The following CELSR1 variants were observed in gnomAD, a reference collection of about 807,000 sequenced individuals.
CELSR1 encodes cadherin EGF LAG seven-pass G-type receptor 1, also known as adhesion G protein-coupled receptor C1.
A neutral mutation model predicts 249.1 loss-of-function variants in CELSR1; 110 were observed. That is an observed-to-expected ratio of 0.44 (90% CI 0.38 to 0.52). The LOEUF is 0.52. Ranked by LOEUF, CELSR1 falls within the 20% of genes least tolerant of loss-of-function variation. The pLI is 0.00. For missense variants in CELSR1, 4,109 were observed against 4,296.4 expected (o/e 0.96, Z 1.22); for synonymous variants, 2,113 against 1,900.0 (o/e 1.11, Z -2.92).
At chr22:46,439,107 G>T in intron 3 of CELSR1, 82 bp downstream of exon 3, 1 of 1,325,230 alleles carries the variant, frequency 7.5e-7, no homozygotes, top group Non-Finnish European at 1.1e-6. Flanking sequence ...TCAACGTCAC[G>T]ATCTAGAGGG....
intron 1 of CELSR1, among the ~76,000 whole-genome samples, chr22:46,494,070 G>A (rs995629965): frequency 1.3e-5 from 2 of 152,128 alleles, no homozygotes; most frequent in Admixed American, 6.6e-5. Context: ...ATCTACCCTC[G>A]CGGAGGACAA....
chr22:46,492,754 C>T (rs529874076), intron 1 of CELSR1, among the ~76,000 whole-genome samples: 125 of 151,378 alleles, frequency 8.3e-4, no homozygotes, highest in South Asian at 6.3e-3. Context: ...CCACCGTGCT[C>T]GGCCGAAACC....
chr22:46,367,023 G>T lies in CELSR1; in HGVS notation c.8175C>A (p.Asp2725Glu), dbSNP rs2078791959. ...GCAGGGTGGCCCTGGTGGTGGCGGA[G>T]TCCTCCAGGTGCAGCTTCCTCCCGC... ...VLGGRKLHLE[D>E]SATTRATLLT... The change falls in exon 29 of 35, where the codon GAC becomes GAA. Residue 2725 changes from aspartate (D) to glutamate (E), a missense_variant. Coordinates refer to ENST00000674500, the MANE Select transcript of CELSR1 (RefSeq NM_001378328.1). The T allele has an allele frequency of 1.9e-6, 3 of 1,610,472 alleles. No homozygotes were observed. The African/African-American group carries it at 4.0e-5, about 22-fold the overall frequency.
chr22:46,370,982 C>T (rs2147180815), intron 25 of CELSR1, among the ~76,000 whole-genome samples: 1 of 152,368 alleles, frequency 6.6e-6, no homozygotes, highest in East Asian at 1.9e-4. Context: ...CCTGCTCCGC[C>T]TGGACATCGA....
chr22:46,369,719 A>G lies in CELSR1; in HGVS notation c.7845T>C (p.Phe2615=). ...TTATAACAGCTCCGATGGGCCCCGC[A>G]AAGCTCCAAATCAGGGTGTCTTGAA... is the stretch of plus-strand genomic sequence containing the variant. ...LSLQDTLIWS[F]AGPIGAVIII... Residue 2615 remains phenylalanine (F), a synonymous_variant, in exon 26 of 35, where the codon TTT becomes TTC. Transcript: ENST00000674500. The G allele has an allele frequency of 6.2e-7, 1 of 1,613,532 alleles. No individual in the cohort carries two copies. Among genetic ancestry groups the G allele is most frequent in the South Asian group, 1.1e-5 (1 of 91,080 alleles).
intron 1 of CELSR1, among the ~76,000 whole-genome samples, chr22:46,493,200 T>G (rs535370245): frequency 6.6e-6 from 1 of 150,974 alleles, no homozygotes; most frequent in East Asian, 2.0e-4. Flanking sequence ...CAATGAGCCA[T>G]GATGGCACCA....
At chr22:46,416,243 T>C (rs181989063) in intron 5 of CELSR1, among the ~76,000 whole-genome samples, 1 of 152,370 alleles carries the variant, frequency 6.6e-6, no homozygotes, top group African/African-American at 2.4e-5. Context: ...GTCTGAGTTT[T>C]TTCTCAATTC....
Position 46,391,571 on chromosome 22 carries a change from A to T in CELSR1, c.6148+62T>A. The T allele has an allele frequency of 6.7e-7, 1 of 1,486,394 alleles. No individual in the cohort carries two copies. Among genetic ancestry groups the T allele is most frequent in the Non-Finnish European group, 8.9e-7 (1 of 1,124,984 alleles). The allele number at this position is 1,486,394 out of a possible 1,614,324, so 92.1% of individuals were successfully genotyped here. A position where few individuals can be genotyped will look rare whatever the true frequency, so the allele number is the denominator to read the frequency against. Reference sequence around the variant, plus strand: ...ACCCAGCGTGCATGCACACACGTGCACGCCAGTGCAGCAGCCTGTCCCCGC... The same window carrying T: ...ACCCAGCGTGCATGCACACACGTGCTCGCCAGTGCAGCAGCCTGTCCCCGC... On this transcript the variant is annotated intron_variant, in intron 15 of 34. Coordinates refer to ENST00000674500, the MANE Select transcript of CELSR1 (RefSeq NM_001378328.1). This position sits in a 1 kb window ranked among gnomAD's most constrained non-coding sequence, Gnocchi z 4.3.
chr22:46,390,899 A>G lies in CELSR1; in HGVS notation c.6250+287T>C, dbSNP rs1602066309. ...TCACAGAGGTAACCCGATGCTATGA[A>G]CAGTGAAGCCACTTGTCCCGGTGCC... On this transcript the variant is annotated intron_variant, in intron 16 of 34. Transcript: ENST00000674500. This position sits in a 1 kb window ranked among gnomAD's most constrained non-coding sequence, Gnocchi z 6.3. 1.3e-5 allele frequency among the ~76,000 whole-genome samples: 2 copies of G among 152,206 alleles called. No individual in the cohort carries two copies. Among genetic ancestry groups the G allele is most frequent in the African/African-American group, 4.8e-5 (2 of 41,458 alleles).
intron 25 of CELSR1, among the ~76,000 whole-genome samples, chr22:46,371,085 A>G (rs1451245892): frequency 6.6e-6 from 1 of 152,160 alleles, no homozygotes. Context: ...TAGGCAAGGT[A>G]TCGCCTCCCT....
In CELSR1 at chr22:46,535,565, C is replaced by T. The variant is rs760949304; in HGVS notation, c.1606G>A (p.Ala536Thr). The T allele has an allele frequency of 1.2e-6, 2 of 1,613,404 alleles. No individual in the cohort carries two copies. The highest frequency in any genetic ancestry group is 1.7e-6 in the Non-Finnish European group (2 of 1,180,030). The change falls in exon 1 of 35, where the codon GCC (alanine) becomes ACC (threonine). Residue 536 changes from alanine to threonine, a missense_variant. Around this residue, in one of 7 missense-constraint regions of CELSR1, gnomAD observed 135 missense variants for 190.0 expected, o/e 0.71. Transcript: ENST00000674500. ...AGCGGGGGCCGGCCCCCATCCTGGG[C>T]CTTAATGCTCAGCGAGTATTTCTGG... The part of the protein sequence containing the change: ...DVQKYSLSIK[A>T]QDGGRPPLIN...
At position 46,390,470 on chromosome 22, in the gene CELSR1, G is replaced by T; in HGVS notation, c.6267C>A (p.His2089Gln). The T allele has an allele frequency of 6.2e-7, 1 of 1,613,788 alleles. No individual in the cohort carries two copies. The highest frequency in any genetic ancestry group is 8.5e-7 in the Non-Finnish European group (1 of 1,179,866). ...GCAGCCAGCCCTTCTCCCCGCTGCA[G>T]TGTCGGACCGCATTTCCTGGGGAAG... ...PKGSVGNAVR[H>Q]CSGEKGWLPP... is the part of the protein sequence containing the mutation. Residue 2089 changes from histidine (H) to glutamine (Q), a missense_variant, in exon 17 of 35, where the codon CAC becomes CAA. Physicochemically the swap from His to Gln is conservative, Grantham distance 24 (BLOSUM62 0). This residue lies in a region of CELSR1 where 1,805 missense variants were observed against 1,831.6 expected (regional missense o/e 0.99). Coordinates refer to ENST00000674500, the MANE Select transcript of CELSR1 (RefSeq NM_001378328.1). This position sits in a 1 kb window ranked among gnomAD's most constrained non-coding sequence, Gnocchi z 6.3.
At position 46,473,404 on chromosome 22, in the gene CELSR1, T is replaced by C. The variant is rs1442730538; in HGVS notation, c.3545-9059A>G. Among the ~76,000 whole-genome samples the C allele has an allele frequency of 6.6e-6, 1 of 152,064 alleles. No individual in the cohort carries two copies. Among genetic ancestry groups the C allele is most frequent in the Non-Finnish European group, 1.5e-5 (1 of 68,000 alleles). On this transcript the variant is annotated intron_variant, in intron 1 of 34. Transcript: ENST00000674500. This position sits in a 1 kb window ranked among gnomAD's most constrained non-coding sequence, Gnocchi z 6.6. Reference sequence around the variant, plus strand: ...ACATGGAGGAGGAAAGGCCAGTTTGTGACCCACCTGGGGCCTTGGAGATGA... The same window carrying C: ...ACATGGAGGAGGAAAGGCCAGTTTGCGACCCACCTGGGGCCTTGGAGATGA...
chr22:46,415,879 G>A (rs1035247715), intron 5 of CELSR1, among the ~76,000 whole-genome samples: 1 of 152,246 alleles, frequency 6.6e-6, no homozygotes, highest in Non-Finnish European at 1.5e-5. Flanking sequence ...AACAGCAGCA[G>A]ATGTGTGTGA....
intron 30 of CELSR1, 49 bp from the exon 31 acceptor site, chr22:46,365,738 G>A: frequency 6.9e-7 from 1 of 1,457,030 alleles, no homozygotes; most frequent in Non-Finnish European, 9.4e-7. Flanking sequence ...CAGGGAACAG[G>A]AGGTGCTGGA....
rs149603890 is a variant in CELSR1 at position 46,484,073 on chromosome 22, G to A, written c.3545-19728C>T. Among the ~76,000 whole-genome samples the A allele has an allele frequency of 1.2e-3, 187 of 152,284 alleles. 1 individual carries two copies. Among genetic ancestry groups the A allele is most frequent in the South Asian group, 8.3e-3 (40 of 4,820 alleles). ...TTCCCAGGCTCCCACGGGCTCCCAC[G>A]CTCTGCCCTGGCTCTCAGACTCACC... On this transcript the variant is annotated intron_variant, in intron 1 of 34. Coordinates refer to ENST00000674500, the MANE Select transcript of CELSR1 (RefSeq NM_001378328.1). This position sits in a 1 kb window ranked among gnomAD's most constrained non-coding sequence, Gnocchi z 4.5.
intron 17 of CELSR1, 35 bp from the exon 18 acceptor site, chr22:46,389,534 C>G (rs375804501): frequency 6.2e-7 from 1 of 1,604,188 alleles, no homozygotes; most frequent in Non-Finnish European, 8.5e-7. Context: ...GTGTGCAAAC[C>G]CACTTCGGCC....
At position 46,406,608 on chromosome 22, in the gene CELSR1, A is replaced by G. The variant is rs991774295; in HGVS notation, c.5226+2388T>C. On this transcript the variant is annotated intron_variant, in intron 9 of 34. Transcript: ENST00000674500. The surrounding 1 kb of genome is among the most constrained non-coding windows in gnomAD (Gnocchi z 5.4). Reference sequence around the variant, plus strand: ...CATGTGCTGGGCAGTCCCTCTGTCCACCCGCCAACCCTCATGCCAATCTTG... The same window carrying G: ...CATGTGCTGGGCAGTCCCTCTGTCCGCCCGCCAACCCTCATGCCAATCTTG... Among the ~76,000 whole-genome samples, 23 of 152,124 alleles carry G rather than the reference A, an allele frequency of 1.5e-4. No homozygotes were observed. Among genetic ancestry groups the G allele is most frequent in the Non-Finnish European group, 2.8e-4 (19 of 68,020 alleles).
In CELSR1 at chr22:46,411,827, T is replaced by G. The variant is rs543208068; in HGVS notation, c.4612-68A>C. The G allele has an allele frequency of 3.1e-6, 5 of 1,596,620 alleles. No homozygotes were observed. Among genetic ancestry groups the G allele is most frequent in the Non-Finnish European group, 4.3e-6 (5 of 1,170,676 alleles). ...CCAGTGCCCTCAGCAGGCGCACCTG[T>G]CACTCATAGAGCGAGGAGGACATGG... is the stretch of plus-strand genomic sequence containing the variant. On this transcript the variant is annotated intron_variant, in intron 5 of 34. Coordinates refer to ENST00000674500, the MANE Select transcript of CELSR1 (RefSeq NM_001378328.1). The surrounding 1 kb of genome is among the most constrained non-coding windows in gnomAD (Gnocchi z 4.2).
Sources: gnomAD v4.1 joint callset for allele counts (sites outside exome capture counted in the v4.1 genomes callset) on GRCh38, gnomAD v4.1.1 for gene constraint, gnomAD v4.1.1 regional missense constraint, Gnocchi (gnomAD v3.1) non-coding constraint, MANE v1.5 for transcripts, NCBI Gene and HGNC (gene_info 2026-07-23, HGNC 2026-07-21) for gene names.